TRIM33: variants seen among roughly 807,000 people sequenced by gnomAD.
TRIM33 encodes the protein E3 ubiquitin-protein ligase TRIM33.
Under a neutral mutation model 125.4 loss-of-function variants are expected in TRIM33, and 20 were observed. The ratio of observed to expected loss-of-function variants is 0.16; its 90% CI spans 0.11 to 0.23. The LOEUF (loss-of-function observed/expected upper bound fraction) is 0.23. TRIM33 is among the 10% of genes least tolerant of loss of function. The probability of loss-of-function intolerance (pLI) is 1.00; values close to 1 mark genes in which losing one functional copy is unlikely to be tolerated. For missense variants in TRIM33, 920 were observed against 1,411.4 expected (o/e 0.65, Z 5.58); for synonymous variants, 564 against 513.9 (o/e 1.10, Z -1.32).
intron 4 of TRIM33, among the ~76,000 whole-genome samples, chr1:114,435,260 T>C (rs976916441): frequency 6.6e-6 from 1 of 152,158 alleles, no homozygotes; most frequent in Non-Finnish European, 1.5e-5. Flanking sequence ...ACAGTACTGG[T>C]TGGTACAGCC....
At chr1:114,451,114 C>T (rs920757290) in intron 4 of TRIM33, among the ~76,000 whole-genome samples, 6 of 152,128 alleles carry the variant, frequency 3.9e-5, no homozygotes, top group Non-Finnish European at 7.4e-5. Flanking sequence ...CAGATTTATA[C>T]TTAATCTCCC....
chr1:114,472,919 C>T (rs1285009841), intron 1 of TRIM33, among the ~76,000 whole-genome samples: 1 of 151,612 alleles, frequency 6.6e-6, no homozygotes, highest in Non-Finnish European at 1.5e-5. Flanking sequence ...TAACAATGAG[C>T]TGAGCAGAAA....
At chr1:114,477,426 T>G (rs1651044617) in intron 1 of TRIM33, among the ~76,000 whole-genome samples, 2 of 151,864 alleles carry the variant, frequency 1.3e-5, no homozygotes, top group African/African-American at 2.4e-5. Context: ...ATATACAAAA[T>G]TATTAATGGA....
Position 114,399,568 on chromosome 1 carries a change from T to C in TRIM33, c.3009A>G (p.Leu1003=). 6.2e-7 allele frequency: 1 copy of C among 1,609,954 alleles called. No homozygotes were observed. The highest frequency in any genetic ancestry group is 8.5e-7 in the Non-Finnish European group (1 of 1,176,584). ...TCTGAAGCTTCTTTTTCACGGTGGATAAATCCATTGGTTTCTTTATAATTT... is the reference window on the plus strand; with the variant it reads ...TCTGAAGCTTCTTTTTCACGGTGGACAAATCCATTGGTTTCTTTATAATTT... ...YYKIIKKPMD[L]STVKKKLQKK... Residue 1003 remains leucine (L), a synonymous_variant, in exon 18 of 20, where the codon TTA becomes TTG. Coordinates refer to ENST00000358465, the MANE Select transcript of TRIM33 (RefSeq NM_015906.4).
intron 1 of TRIM33, among the ~76,000 whole-genome samples, chr1:114,504,510 G>A (rs998108138): frequency 6.6e-5 from 10 of 152,292 alleles, no homozygotes; most frequent in African/African-American, 2.4e-4. Flanking sequence ...TAATATAAAT[G>A]TCAGCGCAGT....
chr1:114,433,529 T>C (rs1460536741), intron 5 of TRIM33, 88 bp downstream of exon 5: 3 of 749,046 alleles, frequency 4.0e-6, no homozygotes, highest in Non-Finnish European at 6.5e-6. Context: ...TTTCTTTATA[T>C]GCTTAATATA....
intron 5 of TRIM33, among the ~76,000 whole-genome samples, chr1:114,432,380 T>C (rs1466929385): frequency 3.9e-5 from 6 of 152,206 alleles, no homozygotes; most frequent in Admixed American, 3.9e-4. Flanking sequence ...ATCACCAGTT[T>C]AACCTAAAAC....
intron 1 of TRIM33, among the ~76,000 whole-genome samples, chr1:114,475,719 G>A (rs977059227): frequency 1.3e-5 from 2 of 151,638 alleles, no homozygotes; most frequent in Non-Finnish European, 2.9e-5. Flanking sequence ...AAAAGAGAAT[G>A]CCACTTAGTA....
chr1:114,396,930 A>G lies in TRIM33; in HGVS notation c.*718T>C, dbSNP rs1215284566. 1 of 214,730 alleles carries G rather than the reference A, an allele frequency of 4.7e-6. No individual in the cohort carries two copies. The highest frequency in any genetic ancestry group is 6.9e-5 in the East Asian group (1 of 14,454). The allele number at this position is 214,730 out of a possible 1,614,324, so 13.3% of individuals were successfully genotyped here. A position where few individuals can be genotyped will look rare whatever the true frequency, so the allele number is the denominator to read the frequency against. ...GAAGTGTTTTCTGGAAACAACTACT[A>G]TAACTCTAAATAATCCACTAATGAA... On this transcript the variant is annotated 3_prime_UTR_variant, in exon 20 of 20. Coordinates refer to ENST00000358465, the MANE Select transcript of TRIM33 (RefSeq NM_015906.4).
intron 5 of TRIM33, among the ~76,000 whole-genome samples, chr1:114,431,384 T>C (rs1299430814): frequency 6.6e-6 from 1 of 152,260 alleles, no homozygotes; most frequent in Admixed American, 6.5e-5. Flanking sequence ...AAACATGGGT[T>C]CTGATACACT....
rs1189615763 is a variant in TRIM33, at chr1:114,397,316, T to A, written c.*332A>T. The A allele has an allele frequency of 5.2e-6, 2 of 386,130 alleles. No individual in the cohort carries two copies. Among genetic ancestry groups the A allele is most frequent in the Non-Finnish European group, 9.4e-6 (2 of 212,370 alleles). The allele number at this position is 386,130 out of a possible 1,614,324, so 23.9% of individuals were successfully genotyped here. ...CAAGTATTTACTCGTATACCAAGTATCCTGCACCAATCAATAGCACACAAT... is the reference window on the plus strand; with the variant it reads ...CAAGTATTTACTCGTATACCAAGTAACCTGCACCAATCAATAGCACACAAT... On this transcript the variant is annotated 3_prime_UTR_variant, in exon 20 of 20. Transcript: ENST00000358465.
intron 4 of TRIM33, among the ~76,000 whole-genome samples, chr1:114,462,024 G>A (rs1428726067): frequency 6.6e-6 from 1 of 152,156 alleles, no homozygotes; most frequent in African/African-American, 2.4e-5. Flanking sequence ...GAGCATATGG[G>A]TTAAGAAGAG....
At chr1:114,490,941 TG>T (rs1652024534) in intron 1 of TRIM33, 1 of 152,074 alleles carries the variant, frequency 6.6e-6, no homozygotes, top group Non-Finnish European at 1.5e-5. Flanking sequence ...TTGTAAGAAA[TG>T]TCCAGAATAG....
At chr1:114,406,503 G>A (rs149691722) in intron 14 of TRIM33, among the ~76,000 whole-genome samples, 3 of 152,248 alleles carry the variant, frequency 2.0e-5, no homozygotes, top group African/African-American at 7.2e-5. Context: ...TTAGTAATAC[G>A]TAAGCCAAAA....
chr1:114,432,851 T>C (rs1282650787), intron 5 of TRIM33, among the ~76,000 whole-genome samples: 1 of 152,238 alleles, frequency 6.6e-6, no homozygotes, highest in Non-Finnish European at 1.5e-5. Flanking sequence ...AATTATTTAA[T>C]ACTTTTGAGC....
chr1:114,477,115 G>A (rs1651020806), intron 1 of TRIM33, among the ~76,000 whole-genome samples: 2 of 151,966 alleles, frequency 1.3e-5, no homozygotes, highest in Admixed American at 1.3e-4. Flanking sequence ...TGATCAGTAA[G>A]GTTTACCAAG....
chr1:114,479,723 GC>G (rs1462187153), intron 1 of TRIM33, among the ~76,000 whole-genome samples: 3 of 151,418 alleles, frequency 2.0e-5, no homozygotes, highest in African/African-American at 7.3e-5. Context: ...GAACAAAGTT[GC>G]TATATTTTAA....
chr1:114,429,102 G>A (rs183801614), intron 6 of TRIM33, among the ~76,000 whole-genome samples: 119 of 152,178 alleles, frequency 7.8e-4, no homozygotes, highest in Non-Finnish European at 1.5e-3. Context: ...GGGTCCTTTT[G>A]GGGGGAAAAA....
At chr1:114,510,336 G>C (rs970966536) in intron 1 of TRIM33, among the ~76,000 whole-genome samples, 2 of 152,008 alleles carry the variant, frequency 1.3e-5, no homozygotes, top group African/African-American at 4.8e-5. Context: ...CCCTCCCCCA[G>C]CCTCTCGCAG....
Sources: allele counts gnomAD v4.1 joint callset (sites outside exome capture counted in the v4.1 genomes callset), GRCh38; gene constraint gnomAD v4.1.1; transcripts MANE v1.5; gene names NCBI Gene and HGNC (gene_info 2026-07-23, HGNC 2026-07-21).